Variants in RIF1 observed in about 807,000 individuals in gnomAD.
RIF1 encodes the protein replication timing regulatory factor 1, also known as telomere-associated protein RIF1.
In RIF1, 45 loss-of-function variants were observed where a neutral mutation model predicts 247.1. The ratio of observed to expected loss-of-function variants is 0.18; its 90% CI spans 0.14 to 0.23. The LOEUF (loss-of-function observed/expected upper bound fraction) is 0.23, where lower values mean the gene tolerates loss of function less well. Ranked by LOEUF, RIF1 falls within the 10% of genes least tolerant of loss-of-function variation. The pLI, the probability that RIF1 is intolerant of heterozygous loss-of-function variation, is 1.00. For missense variants in RIF1, 2,967 were observed against 2,862.5 expected (o/e 1.04, Z -0.83); for synonymous variants, 1,087 against 978.8 (o/e 1.11, Z -2.06).
chr2:151,493,258 GTGTT>G (rs1167463363), intron 9 of RIF1: 14 of 939,366 alleles, frequency 1.5e-5, no homozygotes, highest in Non-Finnish European at 2.3e-5. Flanking sequence ...AAATTTTAGT[GTGTT>G]TTTCAGTTGA....
chr2:151,430,012 A>G (rs1373811516), intron 9 of RIF1, among the ~76,000 whole-genome samples: 1 of 151,908 alleles, frequency 6.6e-6, no homozygotes, highest in African/African-American at 2.4e-5. Context: ...TATTTGCATT[A>G]ATGTATAATA....
At chr2:151,496,022 T>TGGA in intron 10 of RIF1, among the ~76,000 whole-genome samples, 1 of 152,234 alleles carries the variant, frequency 6.6e-6, no homozygotes, top group African/African-American at 2.4e-5. Context: ...AGAGTAAGTT[T>TGGA]GGAGAGAGAG....
Position 151,437,226 on chromosome 2 carries a change from A to C in RIF1, c.1373-15A>C. Reference sequence around the variant, plus strand: ...CTGTTGTTTTACATAATTATCTTTTATTCTTCCCTTTCAGAGCCATTGGAA... The same window carrying C: ...CTGTTGTTTTACATAATTATCTTTTCTTCTTCCCTTTCAGAGCCATTGGAA... On this transcript the variant is annotated splice_polypyrimidine_tract_variant and intron_variant, in intron 12 of 35. Transcript: ENST00000444746. 6.4e-7 allele frequency: 1 copy of C among 1,573,446 alleles called. No individual in the cohort carries two copies. The highest frequency in any genetic ancestry group is 8.7e-7 in the Non-Finnish European group (1 of 1,144,468).
chr2:151,532,074 A>G, the RIF1 span: 1 of 551,712 alleles, frequency 1.8e-6, no homozygotes, highest in Admixed American at 3.3e-5. Context: ...GAGTGAGCAG[A>G]TGATACTACT....
At chr2:151,469,565 A>T (rs1697480951) in intron 33 of RIF1, 146 bp from the exon 34 acceptor site, 1 of 550,728 alleles carries the variant, frequency 1.8e-6, no homozygotes. Flanking sequence ...TTTTGTTTTA[A>T]ATTACACATA....
intron 11 of RIF1, among the ~76,000 whole-genome samples, 158 bp downstream of exon 11, chr2:151,435,738 A>C (rs1691054568): frequency 6.6e-6 from 1 of 152,026 alleles, no homozygotes; most frequent in African/African-American, 2.4e-5. Context: ...CATTACCAAA[A>C]AATCCATTAT....
intron 10 of RIF1, chr2:151,498,140 T>TA (rs1447481649): frequency 5.2e-6 from 8 of 1,526,984 alleles, no homozygotes; most frequent in African/African-American, 1.4e-5. Context: ...TATCCTTTTG[T>TA]AATATAAGAT....
chr2:151,502,741 T>C, intron 11 of RIF1: 1 of 984,528 alleles, frequency 1.0e-6, no homozygotes. Context: ...AAGGTGTTAT[T>C]ATTTTAAATA....
Position 151,428,784 on chromosome 2 carries a change from A to T in RIF1, c.787A>T (p.Thr263Ser). 1 of 1,602,038 alleles carries T rather than the reference A, an allele frequency of 6.2e-7. No homozygotes were observed. Among genetic ancestry groups the T allele is most frequent in the Non-Finnish European group, 8.6e-7 (1 of 1,169,588 alleles). ...WPLFVKLLGR[T>S]LHRSGSFINS... ...CTTAATGATTTTTTCCCCTTTTTAG[A>T]CCTTGCATCGAAGTGGGAGTTTCAT... is the stretch of plus-strand genomic sequence containing the variant. Residue 263 changes from threonine to serine, a missense_variant and splice_region_variant, in exon 9 of 36, where the codon ACC becomes TCC. By Grantham distance (58) the Thr-to-Ser change is moderately conservative (BLOSUM62 1). Transcript: ENST00000444746.
chr2:151,497,404 T>C (rs1179567048), intron 10 of RIF1: 1 of 976,802 alleles, frequency 1.0e-6, no homozygotes, highest in African/African-American at 1.8e-5. Context: ...AAAAAAAAGA[T>C]TGAAAATACC....
At chr2:151,467,955 A>G (rs769828177) in intron 30 of RIF1, 45 bp from the exon 31 acceptor site, 18 of 1,547,768 alleles carry the variant, frequency 1.2e-5, no homozygotes, top group Non-Finnish European at 1.5e-5. Flanking sequence ...GTAATTTTTT[A>G]AAAACTTTAA....
chr2:151,443,627 A>T lies in RIF1; in HGVS notation c.1904A>T (p.Asn635Ile), dbSNP rs779398801. Residue 635 changes from asparagine to isoleucine, a missense_variant, in exon 18 of 36, where the codon AAT becomes ATT. This residue lies in a region of RIF1 where 369 missense variants were observed against 322.0 expected (regional missense o/e 1.15). Transcript: ENST00000444746. Reference sequence around the variant, plus strand: ...TCAGTTTTAAATGTTATTAATCAAAATGCAAAGCAGTTGGAAAATAAGGAG... The same window carrying T: ...TCAGTTTTAAATGTTATTAATCAAATTGCAAAGCAGTTGGAAAATAAGGAG... The part of the protein sequence containing the change: ...SDSVLNVINQ[N>I]AKQLENKEHL... 21 of 1,612,446 alleles carry T rather than the reference A, an allele frequency of 1.3e-5. No individual in the cohort carries two copies. The Admixed American group carries it at 3.4e-4, about 26-fold the overall frequency.
chr2:151,496,874 A>ATTAT (rs1462590875), intron 10 of RIF1: 28 of 1,434,846 alleles, frequency 2.0e-5, no homozygotes, highest in Non-Finnish European at 2.6e-5. Flanking sequence ...ATTAATATGT[A>ATTAT]TTATTTTAAA....
In RIF1 at chr2:151,464,035, G is replaced by A. The variant is rs200111568; in HGVS notation, c.4515G>A (p.Lys1505=). ...CAGAAACTGAACAAAATAAAAAAAA[G>A]GCAGACCCTGAGAACATTAAGTCTG... ...ANAETEQNKK[K]ADPENIKSEG... Residue 1505 remains lysine (K), a synonymous_variant, in exon 30 of 36, where the codon AAG becomes AAA. Transcript: ENST00000444746. The A allele has an allele frequency of 1.9e-6, 3 of 1,610,622 alleles. No individual in the cohort carries two copies. The highest frequency in any genetic ancestry group is 2.2e-5 in the East Asian group (1 of 44,858).
In RIF1 at chr2:151,477,653, G is replaced by T. The variant is rs1041769657; in HGVS notation, c.*2582G>T. On this transcript the variant is annotated 3_prime_UTR_variant, in exon 36 of 36. Transcript: ENST00000444746. ...TGGTCTTGATCTGACCTCGTGATCC[G>T]CCTGCCTCGGCCTCCCAAAGTGCTG... is the stretch of plus-strand genomic sequence containing the variant. 6.6e-6 allele frequency: 1 copy of T among 152,058 alleles called. No individual in the cohort carries two copies. Among genetic ancestry groups the T allele is most frequent in the Non-Finnish European group, 1.5e-5 (1 of 68,182 alleles). 9.4% of individuals were successfully genotyped at this position (152,058 alleles called of 1,614,324 possible).
At chr2:151,439,080 A>C (rs1192581008) in intron 14 of RIF1, among the ~76,000 whole-genome samples, 1 of 152,226 alleles carries the variant, frequency 6.6e-6, no homozygotes, top group Non-Finnish European at 1.5e-5. Flanking sequence ...TGCTGTGTTC[A>C]TTAACAATAT....
exon 11 of RIF1, chr2:151,499,371 A>T (rs200269437): frequency 6.5e-7 from 1 of 1,544,012 alleles, no homozygotes; most frequent in East Asian, 2.5e-5. Context: ...CCCTTTTCCA[A>T]CGTTTTCTTT....
chr2:151,452,325 T>A (rs1416885013), intron 21 of RIF1, among the ~76,000 whole-genome samples: 1 of 152,254 alleles, frequency 6.6e-6, no homozygotes, highest in Non-Finnish European at 1.5e-5. Context: ...AATTGATTCA[T>A]TGAAGTCAGA....
In RIF1 at chr2:151,455,070, T is replaced by C. The variant is rs1366215395; in HGVS notation, c.2520T>C (p.Ser840=). 6.2e-7 allele frequency: 1 copy of C among 1,613,728 alleles called. No individual in the cohort carries two copies. Among genetic ancestry groups the C allele is most frequent in the Non-Finnish European group, 8.5e-7 (1 of 1,179,666 alleles). The change falls in exon 22 of 36, where the codon AGT becomes AGC. Residue 840 remains serine, a synonymous_variant. Coordinates refer to ENST00000444746, the MANE Select transcript of RIF1 (RefSeq NM_018151.5). ...ACTCAATCACCGGCATTATTTCCAG[T>C]GTACTTGGGCATATTTCTTTGCCTT... ...IGNSITGIIS[S]VLGHISLPSM... is the part of the protein sequence containing the mutation.
Sources: gnomAD v4.1 joint callset for allele counts (sites outside exome capture counted in the v4.1 genomes callset) on GRCh38, gnomAD v4.1.1 for gene constraint, gnomAD v4.1.1 regional missense constraint, MANE v1.5 for transcripts, NCBI Gene and HGNC (gene_info 2026-07-23, HGNC 2026-07-21) for gene names.